Variants in TBCK observed in about 807,000 individuals in gnomAD.
The protein encoded by TBCK is TBC1 domain containing kinase.
In TBCK, 99 loss-of-function variants were observed where a neutral mutation model predicts 113.4. The observed-to-expected ratio is 0.87, with a 90% CI of 0.74 to 1.03. TBCK has a LOEUF of 1.03. Among genes scored for constraint, TBCK ranks in the 50% least tolerant of loss-of-function variants. The pLI, the probability that TBCK is intolerant of heterozygous loss-of-function variation, is 0.00. For missense variants in TBCK, 1,045 were observed against 1,061.3 expected (o/e 0.98, Z 0.21); for synonymous variants, 369 against 370.8 (o/e 1.00, Z 0.05).
rs776302536 is a variant in TBCK, at chr4:106,236,383, TC to T, written c.1350+6del. 5.4e-6 allele frequency: 8 copies of T among 1,476,338 alleles called. No individual in the cohort carries two copies. The highest frequency in any genetic ancestry group is 2.3e-5 in the Admixed American group (1 of 43,872). The allele number at this position is 1,476,338 out of a possible 1,614,324, so 91.5% of individuals were successfully genotyped here. A position where few individuals can be genotyped will look rare whatever the true frequency, so the allele number is the denominator to read the frequency against. On this transcript the variant is annotated splice_donor_region_variant and intron_variant, in intron 14 of 25. Transcript: ENST00000394708. ...ATTGTTAACACTTTATACTTTAGAA[TC>T]CATACCTTTAGCAGCCTGTCGAAGA...
chr4:106,276,848 C>T (rs2125767031), intron 3 of TBCK, among the ~76,000 whole-genome samples: 1 of 151,966 alleles, frequency 6.6e-6, no homozygotes, highest in South Asian at 2.1e-4. Context: ...AGGCACACTC[C>T]AGCCTGGGCA....
In TBCK at chr4:106,095,628, G is replaced by T; in HGVS notation, c.2425C>A (p.His809Asn). Reference sequence around the variant, plus strand: ...GGAATGTTGATGCTTCCTGAAATGTGACCACGAATAAAGCTGAGAAGGAAA... The same window carrying T: ...GGAATGTTGATGCTTCCTGAAATGTTACCACGAATAAAGCTGAGAAGGAAA... ...IRNSEDFIRG[H>N]ISGSINIPFS... Residue 809 changes from histidine (H) to asparagine (N), a missense_variant, in exon 25 of 26, where the codon CAC (histidine) becomes AAC (asparagine). Coordinates refer to ENST00000394708, the MANE Select transcript of TBCK (RefSeq NM_001163435.3). 6.2e-7 allele frequency: 1 copy of T among 1,612,810 alleles called. No individual in the cohort carries two copies. Among genetic ancestry groups the T allele is most frequent in the South Asian group, 1.1e-5 (1 of 90,690 alleles).
intron 5 of TBCK, among the ~76,000 whole-genome samples, chr4:106,255,603 A>G (rs1446267964): frequency 3.3e-5 from 5 of 152,174 alleles, no homozygotes; most frequent in Non-Finnish European, 7.4e-5. Flanking sequence ...GCAGAGCCCC[A>G]AAGAGAGTGT....
chr4:106,290,032 GGCTCAACTAAAATATTTTTTC>G (rs903879657), intron 3 of TBCK, among the ~76,000 whole-genome samples: 1 of 151,956 alleles, frequency 6.6e-6, no homozygotes, highest in African/African-American at 2.4e-5. Context: ...ATTTAACCCA[GGCTCAACTAAAATATTTTTTC>G]TTACCTAAAG....
chr4:106,302,641 A>C (rs1202385244), intron 2 of TBCK, among the ~76,000 whole-genome samples: 1 of 150,326 alleles, frequency 6.7e-6, no homozygotes, highest in East Asian at 1.9e-4. Context: ...GTGGAAAGAC[A>C]GGCCTCTGCC....
At chr4:106,055,303 T>C (rs1463949266) in intron 25 of TBCK, among the ~76,000 whole-genome samples, 1 of 151,220 alleles carries the variant, frequency 6.6e-6, no homozygotes, top group East Asian at 1.9e-4. Context: ...AATAGAAGTG[T>C]GAAAAAAAAA....
chr4:106,132,901 T>C (rs1367838966), intron 23 of TBCK, among the ~76,000 whole-genome samples: 1 of 152,202 alleles, frequency 6.6e-6, no homozygotes, highest in Non-Finnish European at 1.5e-5. Flanking sequence ...TTGGAATGGG[T>C]GTATTTACCC....
At chr4:106,205,784 C>T (rs887979404) in intron 20 of TBCK, among the ~76,000 whole-genome samples, 8 of 146,998 alleles carry the variant, frequency 5.4e-5, no homozygotes. Flanking sequence ...ACAAAAAAAA[C>T]AAAAAAAACC....
At chr4:106,262,268 T>G (rs1407372135) in intron 3 of TBCK, 56 bp from the exon 4 acceptor site, 2 of 998,140 alleles carry the variant, frequency 2.0e-6, no homozygotes, top group Non-Finnish European at 3.0e-6. Context: ...ATAACTTGTT[T>G]TAACAAGTGA....
intron 22 of TBCK, among the ~76,000 whole-genome samples, chr4:106,190,274 A>G (rs779878622): frequency 9.2e-5 from 14 of 152,220 alleles, no homozygotes; most frequent in Non-Finnish European, 1.9e-4. Context: ...TTTCCCATTT[A>G]TATACTTAAA....
chr4:106,165,860 A>C (rs1434096166), intron 23 of TBCK, among the ~76,000 whole-genome samples: 1 of 151,736 alleles, frequency 6.6e-6, no homozygotes, highest in Non-Finnish European at 1.5e-5. Flanking sequence ...TTTGAAACCA[A>C]GTCCATCTAA....
chr4:106,044,280 A>T lies in TBCK; in HGVS notation c.*2290T>A, dbSNP rs1734024316. The stretch of plus-strand genomic sequence containing the variant: ...AATGGTGCATTCTGATTATGAACTC[A>T]GGTAAGTCATCAAAGACTGAAGGAA... On this transcript the variant is annotated 3_prime_UTR_variant, in exon 26 of 26. Transcript: ENST00000394708. The T allele has an allele frequency of 6.6e-6, 1 of 152,228 alleles. No individual in the cohort carries two copies. Among genetic ancestry groups the T allele is most frequent in the African/African-American group, 2.4e-5 (1 of 41,458 alleles). The allele number at this position is 152,228 out of a possible 1,614,324, so 9.4% of individuals were successfully genotyped here. A position where few individuals can be genotyped will look rare whatever the true frequency, so the allele number is the denominator to read the frequency against.
At chr4:106,314,057 A>G (rs1768483608) in intron 1 of TBCK, among the ~76,000 whole-genome samples, 1 of 152,220 alleles carries the variant, frequency 6.6e-6, no homozygotes, top group Non-Finnish European at 1.5e-5. Context: ...TAACAACTAT[A>G]AAGCCATAAT....
rs1204382482 is a variant in TBCK at position 106,236,712 on chromosome 4, A to G, written c.1220+47T>C. 5 of 1,153,758 alleles carry G rather than the reference A, an allele frequency of 4.3e-6. No homozygotes were observed. The South Asian group carries it at 8.7e-5, about 20-fold the overall frequency. 71.5% of individuals were successfully genotyped at this position (1,153,758 alleles called of 1,614,324 possible). On this transcript the variant is annotated intron_variant, in intron 13 of 25. Transcript: ENST00000394708. Reference sequence around the variant, plus strand: ...TGTATAAAATTCTTATAAATCTAATATAAATAGAAAGAAAAATAAATCTAA... The same window carrying G: ...TGTATAAAATTCTTATAAATCTAATGTAAATAGAAAGAAAAATAAATCTAA...
rs528353733 is a variant in TBCK, at chr4:106,295,133, C to T, written c.227G>A (p.Arg76His). ...RLVVVAEHCE[R>H]SLEDLLRERK... ...TTCTCGAAGCAAGTCTTCCAGACTA[C>T]GTTCACAATGTTCAGCCACGACCAC... Residue 76 changes from arginine (R) to histidine (H), a missense_variant, in exon 3 of 26, where the codon CGT (arginine) becomes CAT (histidine). By Grantham distance (29) the Arg-to-His change is conservative (BLOSUM62 0). Transcript: ENST00000394708. The T allele has an allele frequency of 4.3e-5, 70 of 1,613,406 alleles. No homozygotes were observed. Among genetic ancestry groups the T allele is most frequent in the South Asian group, 3.5e-4 (32 of 90,978 alleles).
intron 23 of TBCK, among the ~76,000 whole-genome samples, chr4:106,134,137 A>G (rs1441996116): frequency 6.6e-6 from 1 of 152,214 alleles, no homozygotes; most frequent in Non-Finnish European, 1.5e-5. Context: ...ATGACAGTAC[A>G]CTTTTTGTTT....
intron 25 of TBCK, among the ~76,000 whole-genome samples, chr4:106,076,807 C>G (rs1259576294): frequency 6.6e-6 from 1 of 152,084 alleles, no homozygotes; most frequent in African/African-American, 2.4e-5. Context: ...TCCAGACAAG[C>G]AAAAGCTAAG....
intron 25 of TBCK, among the ~76,000 whole-genome samples, chr4:106,074,293 T>C (rs1737900138): frequency 6.6e-6 from 1 of 152,216 alleles, no homozygotes. Context: ...AAACTTTCTA[T>C]GAAGGAATGG....
At position 106,251,904 on chromosome 4, in the gene TBCK, C is replaced by G; in HGVS notation, c.559G>C (p.Val187Leu). The change falls in exon 6 of 26, where the codon GTA (valine) becomes CTA (leucine). Residue 187 changes from valine (V) to leucine (L), a missense_variant. By Grantham distance (32) the Val-to-Leu change is conservative. Coordinates refer to ENST00000394708, the MANE Select transcript of TBCK (RefSeq NM_001163435.3). ...KPLPSGPKSD[V>L]WSLGIILFEL... ...AATAAAATGATTCCAAGAGACCATA[C>G]ATCTGATTTGGGGCCAGAAGGCAAT... 1 of 1,610,608 alleles carries G rather than the reference C, an allele frequency of 6.2e-7. No homozygotes were observed. Among genetic ancestry groups the G allele is most frequent in the Non-Finnish European group, 8.5e-7 (1 of 1,177,882 alleles).
Sources: gnomAD v4.1 joint callset for allele counts (sites outside exome capture counted in the v4.1 genomes callset) on GRCh38, gnomAD v4.1.1 for gene constraint, MANE v1.5 for transcripts, NCBI Gene and HGNC (gene_info 2026-07-23, HGNC 2026-07-21) for gene names.